The following RIMS1 variants were observed in gnomAD, a reference collection of about 807,000 sequenced individuals.
RIMS1 encodes regulating synaptic membrane exocytosis protein 1.
RIMS1 carries 83 observed loss-of-function variants against 214.1 expected under a neutral mutation model. The observed-to-expected ratio is 0.39, with a 90% CI of 0.32 to 0.47. RIMS1 has a LOEUF of 0.47. Among genes scored for constraint, RIMS1 ranks in the 20% least tolerant of loss-of-function variants. The pLI is 0.99. For missense variants in RIMS1, 2,050 were observed against 2,161.8 expected, an observed-to-expected ratio of 0.95 and a Z score of 1.03; for synonymous variants, 793 against 786.8, an observed-to-expected ratio of 1.01 and a Z score of -0.13.
chr6:71,997,285 A>G (rs1289056897), intron 2 of RIMS1, among the ~76,000 whole-genome samples: 1 of 152,222 alleles, frequency 6.6e-6, no homozygotes, highest in Non-Finnish European at 1.5e-5. Context: ...AATAAGAACT[A>G]GAAATAAATA....
rs1029923629 is a variant in RIMS1, at chr6:71,893,219, C to T, written c.164+6032C>T. 2.1e-4 allele frequency among the ~76,000 whole-genome samples: 32 copies of T among 152,080 alleles called. 1 individual carries two copies. Among genetic ancestry groups the T allele is most frequent in the African/African-American group, 7.2e-4 (30 of 41,402 alleles). On this transcript the variant is annotated intron_variant, in intron 1 of 33. Coordinates refer to ENST00000521978, the MANE Select transcript of RIMS1 (RefSeq NM_014989.7). ...CTTTCATGCTAGCAATGCAGTGTTG[C>T]CAGGGTTGCAGCTCCCAGTGTGAGA...
intron 11 of RIMS1, among the ~76,000 whole-genome samples, chr6:72,246,451 T>A (rs2069766929): frequency 6.6e-6 from 1 of 152,140 alleles, no homozygotes; most frequent in East Asian, 1.9e-4. Context: ...GACAATTAAG[T>A]TTTCAATGAT....
intron 1 of RIMS1, among the ~76,000 whole-genome samples, chr6:71,935,869 G>A (rs1291967575): frequency 2.6e-5 from 4 of 152,142 alleles, no homozygotes; most frequent in African/African-American, 9.7e-5. Flanking sequence ...TTTTCCTGAA[G>A]TAATCTTTCA....
chr6:72,104,232 A>G (rs1363498867), intron 4 of RIMS1, among the ~76,000 whole-genome samples: 1 of 152,160 alleles, frequency 6.6e-6, no homozygotes, highest in Non-Finnish European at 1.5e-5. Flanking sequence ...TCACAAAGAG[A>G]ACTAGCAGTT....
intron 2 of RIMS1, among the ~76,000 whole-genome samples, chr6:72,091,737 T>G (rs1836286132): frequency 1.3e-5 from 2 of 152,212 alleles, no homozygotes; most frequent in Admixed American, 1.3e-4. Flanking sequence ...GGAGAAAGTT[T>G]CAATATCAAT....
chr6:71,909,279 C>T (rs965580144), intron 1 of RIMS1, among the ~76,000 whole-genome samples: 6 of 152,140 alleles, frequency 3.9e-5, no homozygotes, highest in African/African-American at 1.4e-4. Context: ...AGTGCTCAGC[C>T]CTTCCAAAGT....
At chr6:72,283,537 C>T (rs1217479723) in intron 23 of RIMS1, among the ~76,000 whole-genome samples, 1 of 151,916 alleles carries the variant, frequency 6.6e-6, no homozygotes, top group Non-Finnish European at 1.5e-5. Flanking sequence ...TTATATAAAA[C>T]ATCTTTAACT....
At chr6:72,120,196 AT>A (rs2037968166) in intron 4 of RIMS1, among the ~76,000 whole-genome samples, 1 of 151,830 alleles carries the variant, frequency 6.6e-6, no homozygotes, top group Non-Finnish European at 1.5e-5. Context: ...GTCAAATGGT[AT>A]TTCTAGTTCT....
intron 2 of RIMS1, among the ~76,000 whole-genome samples, chr6:72,007,063 G>C (rs1006162578): frequency 6.6e-6 from 1 of 152,172 alleles, no homozygotes; most frequent in African/African-American, 2.4e-5. Context: ...GCCTAACTGG[G>C]AGGCCCCCCC....
chr6:72,285,128 C>G (rs1031332680), intron 24 of RIMS1, among the ~76,000 whole-genome samples: 1 of 152,152 alleles, frequency 6.6e-6, no homozygotes, highest in African/African-American at 2.4e-5. Flanking sequence ...AATGACATCA[C>G]TATGCCATGT....
At chr6:72,081,737 A>G (rs1169609652) in intron 2 of RIMS1, among the ~76,000 whole-genome samples, 1 of 152,098 alleles carries the variant, frequency 6.6e-6, no homozygotes, top group African/African-American at 2.4e-5. Flanking sequence ...AATCCTTCTG[A>G]TAGTCTCTGG....
At chr6:71,976,065 G>A (rs1033909175) in intron 2 of RIMS1, among the ~76,000 whole-genome samples, 1 of 152,056 alleles carries the variant, frequency 6.6e-6, no homozygotes, top group Non-Finnish European at 1.5e-5. Flanking sequence ...ATTCTCTTGA[G>A]TATATACCTA....
chr6:72,098,942 C>G (rs1017957673), intron 3 of RIMS1, among the ~76,000 whole-genome samples: 1 of 152,168 alleles, frequency 6.6e-6, no homozygotes, highest in South Asian at 2.1e-4. Context: ...TATTTGTTAA[C>G]TTCCCCTTCT....
intron 29 of RIMS1, among the ~76,000 whole-genome samples, chr6:72,341,848 T>G (rs1344621583): frequency 6.6e-6 from 1 of 151,818 alleles, no homozygotes; most frequent in Non-Finnish European, 1.5e-5. Flanking sequence ...TTATTTATTA[T>G]ATCATTAACA....
chr6:72,089,296 C>T (rs192142972), intron 2 of RIMS1, among the ~76,000 whole-genome samples: 91 of 152,234 alleles, frequency 6.0e-4, no homozygotes, highest in African/African-American at 2.2e-3. Context: ...ACACACTGGG[C>T]ATCATTTTCC....
intron 2 of RIMS1, among the ~76,000 whole-genome samples, chr6:72,071,138 T>C (rs1830488772): frequency 6.6e-6 from 1 of 152,188 alleles, no homozygotes. Context: ...GGCTCATGCC[T>C]GTAATCACAG....
At chr6:72,086,081 A>C (rs1834590289) in intron 2 of RIMS1, among the ~76,000 whole-genome samples, 1 of 152,034 alleles carries the variant, frequency 6.6e-6, no homozygotes, top group Non-Finnish European at 1.5e-5. Context: ...ATCTTGTCTC[A>C]CTCTAAGAAA....
intron 2 of RIMS1, among the ~76,000 whole-genome samples, chr6:72,014,918 G>A (rs1812183235): frequency 6.6e-6 from 1 of 151,962 alleles, no homozygotes; most frequent in Admixed American, 6.6e-5. Context: ...TTCTTTTCCG[G>A]CTCAGATTTT....
intron 1 of RIMS1, among the ~76,000 whole-genome samples, chr6:71,934,442 G>C (rs751952663): frequency 2.0e-5 from 3 of 152,128 alleles, no homozygotes; most frequent in Non-Finnish European, 2.9e-5. Flanking sequence ...TGTTTACCCT[G>C]CTCGTCACTG....
Sources: allele counts gnomAD v4.1 joint callset (sites outside exome capture counted in the v4.1 genomes callset), GRCh38; gene constraint gnomAD v4.1.1; transcripts MANE v1.5; gene names NCBI Gene and HGNC (gene_info 2026-07-23, HGNC 2026-07-21).